Variants in FRYL observed in about 807,000 individuals in gnomAD.
FRYL encodes FRY like transcription coactivator.
Under a neutral mutation model 351.2 loss-of-function variants are expected in FRYL, and 150 were observed. The observed-to-expected ratio is 0.43, with a 90% confidence interval of 0.37 to 0.49. The LOEUF is 0.49. FRYL is among the 20% of genes least tolerant of loss of function. The probability of loss-of-function intolerance (pLI) is 0.00; values close to 1 mark genes in which losing one functional copy is unlikely to be tolerated. For missense variants in FRYL, 3,036 were observed against 3,619.3 expected (o/e 0.84, Z 4.13); for synonymous variants, 1,153 against 1,257.1 (o/e 0.92, Z 1.75).
chr4:48,668,347 C>G (rs1762094244), intron 3 of FRYL, among the ~76,000 whole-genome samples: 2 of 150,428 alleles, frequency 1.3e-5, no homozygotes, highest in Non-Finnish European at 2.9e-5. Context: ...TCACTGCACT[C>G]CAGCCTAGGT....
At chr4:48,564,145 AT>A in intron 30 of FRYL, 43 bp from the exon 31 acceptor site, 1 of 1,605,756 alleles carries the variant, frequency 6.2e-7, no homozygotes, top group Non-Finnish European at 8.5e-7. Context: ...AACGTTATAT[AT>A]TTTTTGTCTA....
At chr4:48,775,259 T>G (rs1053967529) in intron 1 of FRYL, among the ~76,000 whole-genome samples, 2 of 152,198 alleles carry the variant, frequency 1.3e-5, no homozygotes, top group African/African-American at 4.8e-5. Flanking sequence ...CACCAAAGGG[T>G]GCACTTCATC....
intron 1 of FRYL, among the ~76,000 whole-genome samples, chr4:48,751,134 C>T (rs1773213467): frequency 6.6e-6 from 1 of 152,024 alleles, no homozygotes; most frequent in Middle Eastern, 3.2e-3. Context: ...GATGGACAAT[C>T]CACACAGATA....
At chr4:48,502,280 C>A (rs1719863211) in intron 61 of FRYL, among the ~76,000 whole-genome samples, 1 of 152,146 alleles carries the variant, frequency 6.6e-6, no homozygotes, top group South Asian at 2.1e-4. Flanking sequence ...GTGGCTCACA[C>A]CTGTAATCCT....
Position 48,576,123 on chromosome 4 carries a change from T to C in FRYL, c.2628A>G (p.Thr876=), listed in dbSNP as rs373507517. ...AACCTGCAGATGTGGAAGATGACGA[T>C]GTTGCTGCACTGCAGCAAAGGATCA... is the stretch of plus-strand genomic sequence containing the variant. The part of the protein sequence containing the change: ...NYLILCCSAA[T]SSSSTSAGSV... The change falls in exon 24 of 64, where the codon ACA becomes ACG. Residue 876 remains threonine, a synonymous_variant. Transcript: ENST00000358350. The C allele has an allele frequency of 3.5e-5, 56 of 1,613,666 alleles. No homozygotes were observed. The highest frequency in any genetic ancestry group is 4.3e-5 in the Non-Finnish European group (51 of 1,179,796).
chr4:48,719,036 T>C (rs1769179893), intron 1 of FRYL, among the ~76,000 whole-genome samples: 1 of 151,606 alleles, frequency 6.6e-6, no homozygotes, highest in South Asian at 2.1e-4. Flanking sequence ...CTAACTGATC[T>C]TTGGCCTCCC....
Position 48,623,151 on chromosome 4 carries a change from C to T in FRYL, c.149G>A (p.Arg50Lys). 6.4e-7 allele frequency: 1 copy of T among 1,573,450 alleles called. No individual in the cohort carries two copies. Among genetic ancestry groups the T allele is most frequent in the South Asian group, 1.2e-5 (1 of 84,066 alleles). The change falls in exon 5 of 64, where the codon AGG becomes AAG. Residue 50 changes from arginine to lysine, a missense_variant. Physicochemically the swap from Arg to Lys is conservative, Grantham distance 26. Coordinates refer to ENST00000358350, the MANE Select transcript of FRYL (RefSeq NM_015030.2). ...CTGATCAAACTGAAGATCTTCACCC[C>T]TCTGAAGAGATCTGGACAATAGCTT... ...LEKLLSRSLQ[R>K]GEDLQFDQLI...
chr4:48,705,174 C>T (rs1231199598), intron 2 of FRYL, among the ~76,000 whole-genome samples: 1 of 152,006 alleles, frequency 6.6e-6, no homozygotes, highest in Non-Finnish European at 1.5e-5. Flanking sequence ...AATTCCACTT[C>T]TAAGAACCTG....
At chr4:48,671,726 G>A (rs1560831737) in intron 3 of FRYL, among the ~76,000 whole-genome samples, 1 of 151,380 alleles carries the variant, frequency 6.6e-6, no homozygotes, top group Admixed American at 6.6e-5. Flanking sequence ...GGTGGTGCAC[G>A]TCTGTAATCC....
At position 48,675,579 on chromosome 4, in the gene FRYL, G is replaced by A. The variant is rs1310375576; in HGVS notation, c.-81+9094C>T. Among the ~76,000 whole-genome samples, 5 of 152,314 alleles carry A rather than the reference G, an allele frequency of 3.3e-5. No individual in the cohort carries two copies. In the South Asian group the frequency reaches 6.2e-4, roughly 19 times the overall value. ...CACCGAGCCTTAGCTGCCTTCCCGC[G>A]GGGCAGGGCTGGGGACCTGCAGCCT... On this transcript the variant is annotated intron_variant, in intron 3 of 63. Coordinates refer to ENST00000358350, the MANE Select transcript of FRYL (RefSeq NM_015030.2).
chr4:48,568,452 G>A (rs531852000), intron 27 of FRYL, among the ~76,000 whole-genome samples: 1 of 152,260 alleles, frequency 6.6e-6, no homozygotes, highest in East Asian at 1.9e-4. Context: ...TGCTATATAC[G>A]AAAAGGCCTA....
chr4:48,600,570 G>C (rs1369520365), intron 13 of FRYL, among the ~76,000 whole-genome samples: 1 of 152,064 alleles, frequency 6.6e-6, no homozygotes, highest in East Asian at 1.9e-4. Flanking sequence ...AAAAGTTAAG[G>C]TACTGCGAAG....
chr4:48,507,787 A>G (rs1218038448), intron 59 of FRYL, among the ~76,000 whole-genome samples: 1 of 152,166 alleles, frequency 6.6e-6, no homozygotes, highest in East Asian at 1.9e-4. Context: ...ACTGCAGAGA[A>G]GTGACCCCAA....
rs533110975 is a variant in FRYL at position 48,676,437 on chromosome 4, C to T, written c.-81+8236G>A. On this transcript the variant is annotated intron_variant, in intron 3 of 63. Coordinates refer to ENST00000358350, the MANE Select transcript of FRYL (RefSeq NM_015030.2). ...CTGTAACACTCACCGCGAGGGTCCG[C>T]GGCTTCATTCTTGAAGTCAGTGAGA... Among the ~76,000 whole-genome samples the T allele has an allele frequency of 2.0e-4, 31 of 152,314 alleles. No individual in the cohort carries two copies. The East Asian group carries it at 5.8e-3, about 28-fold the overall frequency.
intron 41 of FRYL, 77 bp from the exon 42 acceptor site, chr4:48,546,348 T>A (rs1731326545): frequency 8.8e-7 from 1 of 1,132,846 alleles, no homozygotes. Flanking sequence ...AAACTGTTGT[T>A]CCTTAGACTC....
intron 1 of FRYL, among the ~76,000 whole-genome samples, chr4:48,777,041 T>TA (rs1312743138): frequency 7.4e-4 from 110 of 148,190 alleles, no homozygotes; most frequent in African/African-American, 2.0e-3. Context: ...GGGTCTAATT[T>TA]AAAAAAAAAA....
chr4:48,738,189 C>G (rs1771651033), intron 1 of FRYL, among the ~76,000 whole-genome samples: 1 of 152,086 alleles, frequency 6.6e-6, no homozygotes, highest in South Asian at 2.1e-4. Flanking sequence ...ATGACAGGAT[C>G]ATTTATGTAG....
At chr4:48,757,658 A>G (rs1279007641) in intron 1 of FRYL, among the ~76,000 whole-genome samples, 1 of 152,234 alleles carries the variant, frequency 6.6e-6, no homozygotes, top group African/African-American at 2.4e-5. Flanking sequence ...GAAAATGGCC[A>G]TACTGCCCAA....
intron 4 of FRYL, among the ~76,000 whole-genome samples, chr4:48,629,152 A>C (rs1264517456): frequency 1.3e-5 from 2 of 152,004 alleles, no homozygotes; most frequent in Non-Finnish European, 2.9e-5. Context: ...CATATAGTGC[A>C]TATGTAGGAT....
Sources: gnomAD v4.1 joint callset for allele counts (sites outside exome capture counted in the v4.1 genomes callset) on GRCh38, gnomAD v4.1.1 for gene constraint, MANE v1.5 for transcripts, NCBI Gene and HGNC (gene_info 2026-07-23, HGNC 2026-07-21) for gene names.